The following CUX1 variants were observed in gnomAD, a reference collection of about 807,000 sequenced individuals.
CUX1 encodes the protein cut like homeobox 1.
A neutral mutation model predicts 158.8 loss-of-function variants in CUX1; 31 were observed. The ratio of observed to expected loss-of-function variants is 0.20; its 90% CI spans 0.15 to 0.26. The LOEUF is 0.26. Among genes scored for constraint, CUX1 ranks in the 10% least tolerant of loss-of-function variants. The pLI, the probability that CUX1 is intolerant of heterozygous loss-of-function variation, is 1.00. For missense variants in CUX1, 1,589 were observed against 2,014.6 expected (o/e 0.79, Z 4.04); for synonymous variants, 879 against 862.1 (o/e 1.02, Z -0.34).
chr7:101,913,678 T>A (rs1803781797), intron 1 of CUX1, among the ~76,000 whole-genome samples: 1 of 151,876 alleles, frequency 6.6e-6, no homozygotes, highest in Non-Finnish European at 1.5e-5. Context: ...CTCAAAGACA[T>A]CGGTAGATGC....
At chr7:101,924,581 T>A (rs1345281806) in intron 2 of CUX1, among the ~76,000 whole-genome samples, 1 of 151,842 alleles carries the variant, frequency 6.6e-6, no homozygotes, top group East Asian at 1.9e-4. Context: ...TTTTTTCTTT[T>A]TGGAGACAGG....
intron 3 of CUX1, among the ~76,000 whole-genome samples, chr7:102,053,504 C>G (rs747025717): frequency 6.6e-6 from 1 of 152,106 alleles, no homozygotes; most frequent in Non-Finnish European, 1.5e-5. Context: ...ACTGTAATCA[C>G]CCTGTCGTGC....
chr7:101,961,999 A>T (rs971360980), intron 2 of CUX1: 1 of 152,150 alleles, frequency 6.6e-6, no homozygotes, highest in Non-Finnish European at 1.5e-5. Context: ...AGGCAGAAAA[A>T]ACCCTGGAAG....
intron 8 of CUX1, among the ~76,000 whole-genome samples, chr7:102,140,291 G>C (rs1834302582): frequency 6.6e-6 from 1 of 152,084 alleles, no homozygotes; most frequent in South Asian, 2.1e-4. Context: ...CTGTCACCCA[G>C]GGTGGAGTGC....
upstream of CUX1, among the ~76,000 whole-genome samples, chr7:101,816,342 G>C (rs1039369630): frequency 2.8e-5 from 4 of 144,954 alleles, no homozygotes; most frequent in African/African-American, 9.8e-5. Context: ...ATGGCGCCGG[G>C]AGCCGCCGCC....
intron 2 of CUX1, among the ~76,000 whole-genome samples, chr7:102,001,238 C>T (rs1816651163): frequency 6.6e-6 from 1 of 152,160 alleles, no homozygotes; most frequent in Non-Finnish European, 1.5e-5. Context: ...TGGGGATTGC[C>T]AGTAGCCCCA....
intron 2 of CUX1, among the ~76,000 whole-genome samples, chr7:101,963,997 A>G (rs192883153): frequency 3.9e-5 from 6 of 152,160 alleles, no homozygotes; most frequent in Non-Finnish European, 7.4e-5. Flanking sequence ...TTTCACTTCA[A>G]CTTCTCGGCA....
intron 7 of CUX1, among the ~76,000 whole-genome samples, chr7:102,113,615 T>C (rs781921455): frequency 6.6e-6 from 1 of 151,836 alleles, no homozygotes; most frequent in Non-Finnish European, 1.5e-5. Flanking sequence ...TGGAGAGCAG[T>C]GATACAATCA....
At chr7:102,132,573 G>A (rs73187816) in intron 8 of CUX1, among the ~76,000 whole-genome samples, 34,418 of 151,246 alleles carry the variant, frequency 0.23, 4,329 homozygotes, top group Non-Finnish European at 0.29. Flanking sequence ...TCCTTTGTGA[G>A]CCCTCCTGTC....
At chr7:102,106,204 C>G (rs1272543163) in intron 6 of CUX1, among the ~76,000 whole-genome samples, 1 of 150,352 alleles carries the variant, frequency 6.7e-6, no homozygotes, top group Non-Finnish European at 1.5e-5. Flanking sequence ...TCTCCTGCCT[C>G]AGCCTCCTGA....
In CUX1 at chr7:102,274,124, C is replaced by T. The variant is rs181170379; in HGVS notation, c.1384-120C>T. 1.3e-3 allele frequency: 1,247 copies of T among 933,022 alleles called. 14 individuals are homozygous for T. The African/African-American group carries it at 0.018, about 13-fold the overall frequency. 57.8% of individuals were successfully genotyped at this position (933,022 alleles called of 1,614,324 possible). ...GCCCTCCTGCAGCCAGCCTGCACCC[C>T]GGATGGCCCCACCCACTCCTTGCCA... On this transcript the variant is annotated intron_variant, in intron 15 of 22. Transcript: ENST00000292538.
At position 102,281,283 on chromosome 7, in the gene CUX1, T is replaced by A. The variant is rs117764154; in HGVS notation, c.1821+423T>A. 5.2e-3 allele frequency among the ~76,000 whole-genome samples: 787 copies of A among 151,980 alleles called. 4 individuals are homozygous for A. Among genetic ancestry groups the A allele is most frequent in the Non-Finnish European group, 7.9e-3 (535 of 67,960 alleles). On this transcript the variant is annotated intron_variant, in intron 20 of 22. Coordinates refer to the CUX1 transcript ENST00000292538. ...TACTCAGGAGGCTGACGGAGGAGGA[T>A]CACTTGAGCCTAGGAAGTCAATGCT...
chr7:101,918,279 G>A (rs1444352152), intron 2 of CUX1, among the ~76,000 whole-genome samples: 2 of 152,176 alleles, frequency 1.3e-5, no homozygotes, highest in African/African-American at 4.8e-5. Flanking sequence ...ATCGTGCCTT[G>A]TGTCGAATTC....
chr7:102,168,922 TCTTTTCTTTTA>T (rs1470332323), intron 9 of CUX1, among the ~76,000 whole-genome samples: 1,801 of 103,846 alleles, frequency 0.017, 33 homozygotes, highest in Middle Eastern at 0.031. Context: ...TATTTTCTTT[TCTTTTCTTTTA>T]TTTTCTTTTT....
At chr7:101,827,889 CTTG>C (rs1274090520) in intron 1 of CUX1, among the ~76,000 whole-genome samples, 2 of 149,866 alleles carry the variant, frequency 1.3e-5, no homozygotes, top group African/African-American at 2.5e-5. Context: ...AGGCGTTGGT[CTTG>C]TTGTTTCAAG....
chr7:102,139,794 G>A (rs922634390), intron 8 of CUX1, among the ~76,000 whole-genome samples: 2 of 151,686 alleles, frequency 1.3e-5, no homozygotes, highest in Non-Finnish European at 2.9e-5. Flanking sequence ...TGGTTCTACA[G>A]GGGCACACCA....
At position 102,256,337 on chromosome 7, in the gene CUX1, T is replaced by C. The variant is rs1789894260; in HGVS notation, c.*7295T>C. The C allele has an allele frequency of 1.0e-6, 1 of 984,606 alleles. No homozygotes were observed. The highest frequency in any genetic ancestry group is 1.1e-4 in the East Asian group (1 of 8,830). The allele number at this position is 984,606 out of a possible 1,614,324, so 61.0% of individuals were successfully genotyped here. A position where few individuals can be genotyped will look rare whatever the true frequency, so the allele number is the denominator to read the frequency against. On this transcript the variant is annotated 3_prime_UTR_variant, in exon 24 of 24. Transcript: ENST00000292535. ...GAGAAAAAAAAAATTATTTCTATCCTCTTCTATTTATTATTAGGTTAATCA... is the reference window on the plus strand; with the variant it reads ...GAGAAAAAAAAAATTATTTCTATCCCCTTCTATTTATTATTAGGTTAATCA...
intron 8 of CUX1, among the ~76,000 whole-genome samples, chr7:102,144,826 G>A (rs112886038): frequency 0.071 from 10,842 of 151,890 alleles, 550 homozygotes; most frequent in African/African-American, 0.14. Flanking sequence ...AATGGCTCAC[G>A]TCTGTAATCC....
At chr7:102,228,503 T>A (rs1233346619) in intron 21 of CUX1, among the ~76,000 whole-genome samples, 2 of 151,786 alleles carry the variant, frequency 1.3e-5, no homozygotes, top group African/African-American at 2.4e-5. Context: ...TATAACAGAT[T>A]TAAAAATTAG....
Sources: allele counts gnomAD v4.1 joint callset (sites outside exome capture counted in the v4.1 genomes callset), GRCh38; gene constraint gnomAD v4.1.1; transcripts MANE v1.5; gene names NCBI Gene and HGNC (gene_info 2026-07-23, HGNC 2026-07-21).